KLHL13: variants seen among roughly 807,000 people sequenced by gnomAD.
KLHL13 encodes kelch-like protein 13.
In KLHL13, 10 loss-of-function variants were observed where a neutral mutation model predicts 37.1. That is an observed-to-expected ratio of 0.27 (90% confidence interval 0.17 to 0.46). The LOEUF is 0.46. KLHL13 is among the 20% of genes least tolerant of loss of function. The pLI is 1.00. For missense variants in KLHL13, 360 were observed against 509.3 expected (o/e 0.71, Z 2.82); for synonymous variants, 163 against 181.2 (o/e 0.90, Z 0.81).
intron 1 of KLHL13, among the ~76,000 whole-genome samples, chrX:117,959,943 C>T (rs1177231978): frequency 8.9e-6 from 1 of 111,736 alleles, no homozygotes; most frequent in African/African-American, 3.3e-5. Flanking sequence ...AGAGGGATCG[C>T]ATAAGCACAA....
chrX:118,080,295 C>T (rs2054976258), intron 1 of KLHL13, among the ~76,000 whole-genome samples: 1 of 111,530 alleles, frequency 9.0e-6, no homozygotes, highest in Non-Finnish European at 1.9e-5. Flanking sequence ...AACTAAAGAG[C>T]TTCTGCACAG....
At chrX:117,985,412 G>T in intron 1 of KLHL13, 2 of 888,851 alleles carry the variant, frequency 2.3e-6, no homozygotes, top group African/African-American at 2.2e-5. Flanking sequence ...CACTTCAGTT[G>T]TAGCTCCCAA....
intron 1 of KLHL13, among the ~76,000 whole-genome samples, chrX:118,022,723 T>C (rs951738701): frequency 2.7e-5 from 3 of 112,506 alleles, no homozygotes; most frequent in Non-Finnish European, 5.6e-5. Context: ...ATGTAAGTTA[T>C]GTTAAGATAT....
At chrX:118,013,934 A>G (rs954328614) in intron 1 of KLHL13, among the ~76,000 whole-genome samples, 3 of 112,637 alleles carry the variant, frequency 2.7e-5, no homozygotes, top group Non-Finnish European at 5.6e-5. Flanking sequence ...ATACTCTTAT[A>G]ATTTCTTATG....
Position 118,031,642 on chromosome X carries a change from T to C in KLHL13, c.-56+84866A>G, listed in dbSNP as rs1245329588. On this transcript the variant is annotated intron_variant, in intron 1 of 6. Transcript: ENST00000371882. ...ATTTAGTTGTATATATATTTAGTTA[T>C]ATATATATATTTAGTTATATATAAT... Among the ~76,000 whole-genome samples the C allele has an allele frequency of 3.0e-5, 3 of 100,059 alleles. No individual in the cohort carries two copies. In the Admixed American group the frequency reaches 3.5e-4, roughly 12 times the overall value. The allele number at this position is 100,059 out of a possible 115,157, so 86.9% of individuals were successfully genotyped here.
At chrX:118,112,143 G>A (rs1191407233) in intron 1 of KLHL13, among the ~76,000 whole-genome samples, 1 of 111,985 alleles carries the variant, frequency 8.9e-6, no homozygotes, top group Non-Finnish European at 1.9e-5. Flanking sequence ...ACCTCTCTCA[G>A]AAACCACTTC....
intron 1 of KLHL13, among the ~76,000 whole-genome samples, chrX:118,017,973 G>A (rs2054146838): frequency 9.0e-6 from 1 of 111,263 alleles, no homozygotes; most frequent in Admixed American, 9.6e-5. Context: ...ACAACAAACT[G>A]GTGACTCTCA....
chrX:118,092,259 A>C (rs965951855), intron 1 of KLHL13, among the ~76,000 whole-genome samples: 1 of 112,068 alleles, frequency 8.9e-6, no homozygotes, highest in Non-Finnish European at 1.9e-5. Context: ...ACCACATCAT[A>C]ATCAAACTTT....
chrX:117,917,932 T>C (rs1164790795), intron 4 of KLHL13, among the ~76,000 whole-genome samples: 1 of 112,066 alleles, frequency 8.9e-6, no homozygotes, highest in Non-Finnish European at 1.9e-5. Flanking sequence ...TGAGGCATTT[T>C]GAAAATCACA....
intron 4 of KLHL13, among the ~76,000 whole-genome samples, chrX:117,917,667 TGTATTATCCAGTTTG>T: frequency 8.9e-6 from 1 of 112,084 alleles, no homozygotes; most frequent in East Asian, 2.8e-4. Flanking sequence ...TTTTGTATTG[TGTATTATCCAGTTTG>T]GTCATTTTCT....
At chrX:117,944,695 A>T (rs1355166980) in intron 2 of KLHL13, among the ~76,000 whole-genome samples, 4 of 111,524 alleles carry the variant, frequency 3.6e-5, no homozygotes, top group Non-Finnish European at 7.5e-5. Context: ...TCTTTAGAAG[A>T]CATTAATGGA....
intron 1 of KLHL13, among the ~76,000 whole-genome samples, chrX:118,092,086 A>G (rs1484171407): frequency 9.0e-6 from 1 of 111,598 alleles, no homozygotes; most frequent in Non-Finnish European, 1.9e-5. Flanking sequence ...CAAGGGATAA[A>G]AGACTTCACA....
intron 1 of KLHL13, among the ~76,000 whole-genome samples, chrX:118,004,956 A>T (rs2053965376): frequency 8.9e-6 from 1 of 112,188 alleles, no homozygotes; most frequent in East Asian, 2.8e-4. Flanking sequence ...ACTGGCCTGT[A>T]ATCTTCAAAA....
chrX:118,052,364 A>T (rs1167237523), intron 1 of KLHL13, among the ~76,000 whole-genome samples: 4 of 79,903 alleles, frequency 5.0e-5, no homozygotes, highest in Admixed American at 1.5e-4. Flanking sequence ...AAAAAAAAAA[A>T]TACAAAAAAT....
intron 1 of KLHL13, among the ~76,000 whole-genome samples, chrX:118,090,642 G>A (rs2148149184): frequency 9.0e-6 from 1 of 110,622 alleles, no homozygotes; most frequent in Non-Finnish European, 1.9e-5. Flanking sequence ...GTGCTGGAGA[G>A]GATGTGGAGA....
intron 1 of KLHL13, among the ~76,000 whole-genome samples, chrX:118,037,014 C>CA (rs1254805142): frequency 1.1e-5 from 1 of 93,522 alleles, no homozygotes; most frequent in East Asian, 3.4e-4. Flanking sequence ...CACTGGCCAT[C>CA]AGAGAAATGC....
chrX:118,028,514 G>T lies in KLHL13; in HGVS notation c.-55-82939C>A, dbSNP rs149659838. ...GATAATGACCTGTTCAGGAGGAAAA[G>T]AAGCCAATATTTACTATGAAGATTA... is the stretch of plus-strand genomic sequence containing the variant. On this transcript the variant is annotated intron_variant, in intron 1 of 6. Transcript: ENST00000371882. The T allele has an allele frequency of 3.6e-3, 2,829 of 792,017 alleles. 39 individuals carry two copies. In the African/African-American group the frequency reaches 0.049, roughly 14 times the overall value. 65.3% of individuals were successfully genotyped at this position (792,017 alleles called of 1,213,427 possible).
Position 117,902,794 on chromosome X carries a change from C to A in KLHL13, c.1367-848G>T, listed in dbSNP as rs1166412887. 7.2e-5 allele frequency among the ~76,000 whole-genome samples: 8 copies of A among 111,085 alleles called. No homozygotes were observed. In the Admixed American group the frequency reaches 7.7e-4, roughly 11 times the overall value. ...ATCAAAAGCATGAGGTCTAGATTGA[C>A]TTGAAAAGTTCATATTATTTATTGC... On this transcript the variant is annotated intron_variant, in intron 5 of 6. Transcript: ENST00000262820.
intron 1 of KLHL13, among the ~76,000 whole-genome samples, chrX:117,986,224 C>G (rs148596502): frequency 0.084 from 9,363 of 111,010 alleles, 348 homozygotes; most frequent in Middle Eastern, 0.14. Context: ...AATTCCGTTG[C>G]AACTGAGGCT....
Sources: gnomAD v4.1 joint callset for allele counts (sites outside exome capture counted in the v4.1 genomes callset) on GRCh38, gnomAD v4.1.1 for gene constraint, MANE v1.5 for transcripts, NCBI Gene and HGNC (gene_info 2026-07-23, HGNC 2026-07-21) for gene names.